The following LRRFIP2 variants were observed in gnomAD, a reference collection of about 807,000 sequenced individuals.
LRRFIP2 encodes the protein LRR binding FLII interacting protein 2.
LRRFIP2 carries 109 observed loss-of-function variants against 125.9 expected under a neutral mutation model. That is an observed-to-expected ratio of 0.87 (90% CI 0.74 to 1.01). The LOEUF is 1.01. Ranked by LOEUF, LRRFIP2 falls within the 50% of genes least tolerant of loss-of-function variation. The pLI, the probability that LRRFIP2 is intolerant of heterozygous loss-of-function variation, is 0.00. For missense variants in LRRFIP2, 850 were observed against 862.3 expected, an observed-to-expected ratio of 0.99 and a Z score of 0.18; for synonymous variants, 291 against 293.1, an observed-to-expected ratio of 0.99 and a Z score of 0.07.
chr3:37,075,681 G>A (rs1259318819), intron 19 of LRRFIP2, among the ~76,000 whole-genome samples: 1 of 151,846 alleles, frequency 6.6e-6, no homozygotes, highest in African/African-American at 2.4e-5. Flanking sequence ...AATACCATCA[G>A]GTTTTTCTTT....
chr3:37,150,589 CTTTGGTT>C (rs2095995581), intron 1 of LRRFIP2, among the ~76,000 whole-genome samples: 1 of 152,088 alleles, frequency 6.6e-6, no homozygotes, highest in Admixed American at 6.6e-5. Flanking sequence ...ACCATCTAAC[CTTTGGTT>C]AGATGGTATT....
intron 6 of LRRFIP2, among the ~76,000 whole-genome samples, chr3:37,117,551 A>C (rs1461393794): frequency 6.6e-6 from 1 of 152,150 alleles, no homozygotes; most frequent in Non-Finnish European, 1.5e-5. Flanking sequence ...TCATTTCCAA[A>C]TTTTTGATGC....
At chr3:37,103,495 C>G (rs910496099) in intron 14 of LRRFIP2, among the ~76,000 whole-genome samples, 1 of 152,054 alleles carries the variant, frequency 6.6e-6, no homozygotes, top group Admixed American at 6.6e-5. Flanking sequence ...TCCCAAAGAC[C>G]AGGAAATGTA....
chr3:37,105,437 C>T lies in LRRFIP2; in HGVS notation c.783+18G>A. On this transcript the variant is annotated intron_variant, in intron 14 of 27. Transcript: ENST00000336686. ...ATTTAAAACTCATCTTATTTCTTTGCATGCAAATCATGCTCACCACACTCT... is the reference window on the plus strand; with the variant it reads ...ATTTAAAACTCATCTTATTTCTTTGTATGCAAATCATGCTCACCACACTCT... 6.2e-7 allele frequency: 1 copy of T among 1,607,518 alleles called. No individual in the cohort carries two copies. Among genetic ancestry groups the T allele is most frequent in the Non-Finnish European group, 8.5e-7 (1 of 1,174,126 alleles).
Position 37,083,670 on chromosome 3 carries a change from G to C in LRRFIP2, c.1244C>G (p.Ala415Gly). The change falls in exon 19 of 28, where the codon GCA becomes GGA. Residue 415 changes from alanine to glycine, a missense_variant. Coordinates refer to ENST00000336686, the MANE Select transcript of LRRFIP2 (RefSeq NM_006309.4). ...DVIEEQEEQM[A>G]EFYRENEEKS... ...TTCTTCATTTTCTCTATAAAATTCTGCCATCTGTTCCTCCTGCTCTTCAAT... is the reference window on the plus strand; with the variant it reads ...TTCTTCATTTTCTCTATAAAATTCTCCCATCTGTTCCTCCTGCTCTTCAAT... 6.4e-7 allele frequency: 1 copy of C among 1,564,502 alleles called. No individual in the cohort carries two copies. The highest frequency in any genetic ancestry group is 8.6e-7 in the Non-Finnish European group (1 of 1,163,528).
chr3:37,115,978 C>T (rs2094764243), intron 6 of LRRFIP2, among the ~76,000 whole-genome samples: 1 of 152,258 alleles, frequency 6.6e-6, no homozygotes, highest in South Asian at 2.1e-4. Context: ...AGTTTAAATA[C>T]TAATTGTTTG....
intron 22 of LRRFIP2, 98 bp downstream of exon 22, chr3:37,066,126 T>C (rs2090093479): frequency 3.8e-6 from 5 of 1,317,702 alleles, no homozygotes; most frequent in Non-Finnish European, 5.5e-6. Flanking sequence ...ATAAACACTG[T>C]AGTTTGTATT....
Position 37,127,610 on chromosome 3 carries a change from G to A in LRRFIP2, c.228+20C>T, listed in dbSNP as rs373150862. 2.4e-5 allele frequency: 39 copies of A among 1,610,832 alleles called. 1 individual carries two copies. The Middle Eastern group carries it at 1.2e-3, about 48-fold the overall frequency. On this transcript the variant is annotated intron_variant, in intron 4 of 27. Coordinates refer to ENST00000336686, the MANE Select transcript of LRRFIP2 (RefSeq NM_006309.4). ...TTCAGCAATTGATCACAACATGCAG[G>A]ACAGGCAATACTGGCCTACCAGCCA...
chr3:37,131,985 C>T (rs1205150769), intron 2 of LRRFIP2, among the ~76,000 whole-genome samples: 1 of 152,182 alleles, frequency 6.6e-6, no homozygotes, highest in African/African-American at 2.4e-5. Flanking sequence ...TTGTAATCTA[C>T]CAACCGTAAG....
chr3:37,079,670 C>A (rs2092450548), intron 19 of LRRFIP2, among the ~76,000 whole-genome samples: 2 of 152,112 alleles, frequency 1.3e-5, no homozygotes, highest in South Asian at 4.1e-4. Flanking sequence ...GTATAAACAA[C>A]CCAAATGTCA....
rs533367910 is a variant in LRRFIP2, at chr3:37,167,653, C to CA, written c.-56+6885dup. Among the ~76,000 whole-genome samples the CA allele has an allele frequency of 7.8e-3, 576 of 74,288 alleles. 2 individuals are homozygous for CA. Among genetic ancestry groups the CA allele is most frequent in the Admixed American group, 0.015 (89 of 5,966 alleles). The allele number at this position is 74,288 out of a possible 152,430, so 48.7% of individuals were successfully genotyped here. ...TAGGCAACAGAGCAACACTCTGTCT[C>CA]AAAAAAAAAAAAAAGAAAGAAAGAA... is the stretch of plus-strand genomic sequence containing the variant. On this transcript the variant is annotated intron_variant, in intron 1 of 27. Transcript: ENST00000336686.
Position 37,096,671 on chromosome 3 carries a change from A to C in LRRFIP2, c.874-11T>G. The C allele has an allele frequency of 5.2e-6, 8 of 1,532,566 alleles. No homozygotes were observed. Among genetic ancestry groups the C allele is most frequent in the Non-Finnish European group, 7.1e-6 (8 of 1,120,136 alleles). 94.9% of individuals were successfully genotyped at this position (1,532,566 alleles called of 1,614,324 possible). Reference sequence around the variant, plus strand: ...AGATTTTTCATCCAACTAGAAAAGAACAAAGATAAAAATCAGTAAAGATGC... The same window carrying C: ...AGATTTTTCATCCAACTAGAAAAGACCAAAGATAAAAATCAGTAAAGATGC... On this transcript the variant is annotated splice_polypyrimidine_tract_variant and intron_variant, in intron 15 of 27. Coordinates refer to ENST00000336686, the MANE Select transcript of LRRFIP2 (RefSeq NM_006309.4).
Position 37,075,119 on chromosome 3 carries a change from G to A in LRRFIP2, c.1279-3C>T, listed in dbSNP as rs1468918353. On this transcript the variant is annotated splice_polypyrimidine_tract_variant and splice_region_variant and intron_variant, in intron 19 of 27. Coordinates refer to ENST00000336686, the MANE Select transcript of LRRFIP2 (RefSeq NM_006309.4). ...ATATGTTTCTGCCTTTCTAACTCCT[G>A]TTATTAAACAAATAATATCATTTAC... 3.1e-6 allele frequency: 5 copies of A among 1,598,108 alleles called. No individual in the cohort carries two copies. The highest frequency in any genetic ancestry group is 4.3e-6 in the Non-Finnish European group (5 of 1,169,174).
intron 8 of LRRFIP2, 102 bp from the exon 9 acceptor site, chr3:37,111,167 G>A: frequency 1.3e-6 from 1 of 741,432 alleles, no homozygotes; most frequent in Non-Finnish European, 2.3e-6. Context: ...ATATGATATT[G>A]CCAAATCCCT....
intron 1 of LRRFIP2, among the ~76,000 whole-genome samples, chr3:37,163,395 A>G (rs1413711120): frequency 6.6e-6 from 1 of 152,158 alleles, no homozygotes; most frequent in Non-Finnish European, 1.5e-5. Flanking sequence ...TGCGGACAAA[A>G]CTGATGTATA....
chr3:37,130,077 T>C (rs2095388822), intron 2 of LRRFIP2, among the ~76,000 whole-genome samples: 1 of 152,136 alleles, frequency 6.6e-6, no homozygotes, highest in Non-Finnish European at 1.5e-5. Context: ...TTCCAGAACA[T>C]TCTCACACCC....
At chr3:37,085,879 G>A (rs2093011518) in intron 18 of LRRFIP2, among the ~76,000 whole-genome samples, 1 of 152,032 alleles carries the variant, frequency 6.6e-6, no homozygotes, top group Non-Finnish European at 1.5e-5. Context: ...ACTGCGCCTG[G>A]CCCAAATGTA....
At chr3:37,155,930 A>C (rs777191066) in intron 1 of LRRFIP2, among the ~76,000 whole-genome samples, 1 of 152,094 alleles carries the variant, frequency 6.6e-6, no homozygotes, top group Non-Finnish European at 1.5e-5. Flanking sequence ...GCTGGAGTGC[A>C]ATAGTGCGAC....
chr3:37,101,651 C>T (rs1456005038), intron 15 of LRRFIP2, among the ~76,000 whole-genome samples: 4 of 136,560 alleles, frequency 2.9e-5, no homozygotes, highest in Non-Finnish European at 6.1e-5. Flanking sequence ...GACGATAGGT[C>T]TCAACCCTGT....
Sources: allele counts gnomAD v4.1 joint callset (sites outside exome capture counted in the v4.1 genomes callset), GRCh38; gene constraint gnomAD v4.1.1; transcripts MANE v1.5; gene names NCBI Gene and HGNC (gene_info 2026-07-23, HGNC 2026-07-21).